Variants in MCF2L observed in about 807,000 individuals in gnomAD.
MCF2L encodes the protein guanine nucleotide exchange factor DBS.
In MCF2L, 97 loss-of-function variants were observed where a neutral mutation model predicts 153.4. That is an observed-to-expected ratio of 0.63 (90% CI 0.54 to 0.75). The LOEUF is 0.75. MCF2L is among the 30% of genes least tolerant of loss of function. The pLI, the probability that MCF2L is intolerant of heterozygous loss-of-function variation, is 0.00. For synonymous variants in MCF2L, 659 were observed against 632.2 expected (o/e 1.04, Z -0.64); for missense variants, 1,347 against 1,495.2 (o/e 0.90, Z 1.64).
Position 113,085,163 on chromosome 13 carries a change from C to T in MCF2L, c.2232C>T (p.Tyr744=). The change falls in exon 20 of 30, where the codon TAC becomes TAT. Residue 744 remains tyrosine (Y), a synonymous_variant. Coordinates refer to ENST00000535094, the MANE Select transcript of MCF2L (RefSeq NM_001112732.3). ...LLKPVQRITK[Y]QLLLKEMLKY... is the part of the protein sequence containing the mutation. ...AGCCAGTGCAGAGGATCACCAAGTA[C>T]CAGCTGCTGCTCAAGGTGGGCTCCG... The T allele has an allele frequency of 3.1e-6, 5 of 1,613,446 alleles. No homozygotes were observed. The highest frequency in any genetic ancestry group is 4.2e-6 in the Non-Finnish European group (5 of 1,179,980).
chr13:113,081,304 G>A (rs371591950), intron 16 of MCF2L, 25 bp downstream of exon 16: 53 of 1,562,658 alleles, frequency 3.4e-5, no homozygotes, highest in Middle Eastern at 1.7e-4. Flanking sequence ...GGGGAGGGCC[G>A]ACTGCCACGG....
chr13:113,090,323 A>G (rs1175684460), intron 26 of MCF2L: 1 of 1,203,812 alleles, frequency 8.3e-7, no homozygotes, highest in African/African-American at 1.6e-5. Context: ...CACAGACACC[A>G]GAGTTATTTA....
chr13:113,087,664 G>A (rs775237205), intron 22 of MCF2L, 43 bp from the exon 23 acceptor site: 1 of 1,516,726 alleles, frequency 6.6e-7, no homozygotes, highest in African/African-American at 1.4e-5. Context: ...AAGGCAGTGG[G>A]TTCACTGTGC....
intron 1 of MCF2L, among the ~76,000 whole-genome samples, chr13:112,974,808 TGAGTA>T (rs2082161165): frequency 1.3e-5 from 2 of 152,242 alleles, no homozygotes. Context: ...CACATTTTCA[TGAGTA>T]GAGAATAATT....
intron 22 of MCF2L, 55 bp from the exon 23 acceptor site, chr13:113,087,652 A>G: frequency 6.8e-7 from 1 of 1,470,680 alleles, no homozygotes; most frequent in African/African-American, 1.4e-5. Context: ...CCTTTTAAAA[A>G]CAAGGCAGTG....
chr13:112,983,568 C>A lies in MCF2L; in HGVS notation c.79+14110C>A, dbSNP rs1195995619. Among the ~76,000 whole-genome samples the A allele has an allele frequency of 6.6e-6, 1 of 152,242 alleles. No homozygotes were observed. The highest frequency in any genetic ancestry group is 1.5e-5 in the Non-Finnish European group (1 of 68,050). ...GCCCGTGGTGCTGGGCACGGCAGAG[C>A]CGTAGGCGGAGACAGGGAGCCGGGA... is the stretch of plus-strand genomic sequence containing the variant. On this transcript the variant is annotated intron_variant, in intron 1 of 29. Coordinates refer to ENST00000535094, the MANE Select transcript of MCF2L (RefSeq NM_001112732.3). This position sits in a 1 kb window ranked among gnomAD's most constrained non-coding sequence, Gnocchi z 4.0.
At chr13:112,987,617 A>T (rs1389216423) in intron 1 of MCF2L, among the ~76,000 whole-genome samples, 1 of 152,258 alleles carries the variant, frequency 6.6e-6, no homozygotes, top group Non-Finnish European at 1.5e-5. Context: ...TTTCACTTCC[A>T]TGGTAGTGGC....
chr13:113,094,866 T>C (rs2035518679), intron 27 of MCF2L: 1 of 1,100,034 alleles, frequency 9.1e-7, no homozygotes, highest in Admixed American at 2.1e-5. Flanking sequence ...TCCTCCTAAC[T>C]CTCTCTGGAA....
At chr13:112,986,567 CG>C (rs1370166193) in intron 1 of MCF2L, among the ~76,000 whole-genome samples, 1 of 152,244 alleles carries the variant, frequency 6.6e-6, no homozygotes, top group East Asian at 1.9e-4. Flanking sequence ...CGGGAGACCA[CG>C]GGGTGTCTCT....
At chr13:113,085,984 A>G in intron 20 of MCF2L, 140 bp from the exon 21 acceptor site, 1 of 830,398 alleles carries the variant, frequency 1.2e-6, no homozygotes, top group East Asian at 3.1e-5. Context: ...CAGCTGCAGG[A>G]GGGCAGGCAG....
rs2032020858 is a variant in MCF2L, at chr13:113,064,309, A to G, written c.495A>G (p.Ile165Met). 4.3e-6 allele frequency: 7 copies of G among 1,611,032 alleles called. No individual in the cohort carries two copies. In the East Asian group the frequency reaches 1.1e-4, roughly 26 times the overall value. Residue 165 changes from isoleucine (I) to methionine (M), a missense_variant, in exon 6 of 30, where the codon ATA (isoleucine) becomes ATG (methionine). Ile to Met is a conservative substitution (Grantham distance 10, BLOSUM62 1). Transcript: ENST00000535094. This position sits in a 1 kb window ranked among gnomAD's most constrained non-coding sequence, Gnocchi z 6.0. ...RDDFKMKVPVIMLSSVPDLHG... is the reference protein window; with the variant it reads ...RDDFKMKVPVMMLSSVPDLHG... ...GCATTCCCTTTCTCCTCCAGGTCATAATGCTGAGCTCCGTACCAGACTTAC... is the reference window on the plus strand; with the variant it reads ...GCATTCCCTTTCTCCTCCAGGTCATGATGCTGAGCTCCGTACCAGACTTAC...
At chr13:113,092,645 C>G (rs1447008974) in intron 26 of MCF2L, among the ~76,000 whole-genome samples, 1 of 152,254 alleles carries the variant, frequency 6.6e-6, no homozygotes, top group African/African-American at 2.4e-5. Context: ...CAGAGGGCAC[C>G]TTCCTGGCCA....
At position 113,058,282 on chromosome 13, in the gene MCF2L, GTGTT is replaced by G. The variant is rs569317555; in HGVS notation, c.370-2308_370-2305del. On this transcript the variant is annotated intron_variant, in intron 4 of 29. Coordinates refer to ENST00000535094, the MANE Select transcript of MCF2L (RefSeq NM_001112732.3). ...TGAGTGGGCATTGAGTGGGTGCTGAGTGTTTGGGCACTGAGTGGGCGTTGAGTGT... is the reference window on the plus strand; with the variant it reads ...TGAGTGGGCATTGAGTGGGTGCTGAGTGGGCACTGAGTGGGCGTTGAGTGT... 1.7e-4 allele frequency among the ~76,000 whole-genome samples: 26 copies of G among 150,308 alleles called. No individual in the cohort carries two copies. The South Asian group carries it at 1.9e-3, about 11-fold the overall frequency.
chr13:112,896,781 T>G (rs2081071827), intron 1 of MCF2L, among the ~76,000 whole-genome samples: 1 of 152,232 alleles, frequency 6.6e-6, no homozygotes, highest in African/African-American at 2.4e-5. Context: ...TGCACGGCTC[T>G]GGGCTGCATC....
intron 4 of MCF2L, among the ~76,000 whole-genome samples, chr13:113,048,254 G>C (rs2086956028): frequency 6.6e-6 from 1 of 152,124 alleles, no homozygotes; most frequent in South Asian, 2.1e-4. Context: ...TGAACAGTTA[G>C]TGTTTTAGTT....
At position 113,066,186 on chromosome 13, in the gene MCF2L, C is replaced by T; in HGVS notation, c.881+16C>T. On this transcript the variant is annotated intron_variant, in intron 8 of 29. Coordinates refer to ENST00000535094, the MANE Select transcript of MCF2L (RefSeq NM_001112732.3). ...CCGTGCAGAGGTGAGGCCCGGCTGC[C>T]TTCCTGCCCTCATCCTGTCCCAGTC... 6.3e-7 allele frequency: 1 copy of T among 1,595,702 alleles called. No individual in the cohort carries two copies. The highest frequency in any genetic ancestry group is 8.5e-7 in the Non-Finnish European group (1 of 1,169,998).
intron 2 of MCF2L, among the ~76,000 whole-genome samples, chr13:112,959,695 A>T (rs1402156336): frequency 6.6e-6 from 1 of 152,216 alleles, no homozygotes; most frequent in Non-Finnish European, 1.5e-5. Context: ...CAGAGGGGGA[A>T]TATCTGTTGG....
chr13:113,062,977 G>A (rs7982661), intron 5 of MCF2L, among the ~76,000 whole-genome samples: 3,655 of 152,288 alleles, frequency 0.024, 137 homozygotes, highest in African/African-American at 0.083. Context: ...TACAATGACC[G>A]CGGGGTATTT....
chr13:113,002,093 C>T, intron 1 of MCF2L: 2 of 1,295,228 alleles, frequency 1.5e-6, no homozygotes, highest in East Asian at 3.0e-5. Context: ...TCCTCAGAGG[C>T]TGCTGGGGCA....
Sources: gnomAD v4.1 joint callset for allele counts (sites outside exome capture counted in the v4.1 genomes callset) on GRCh38, gnomAD v4.1.1 for gene constraint, Gnocchi (gnomAD v3.1) non-coding constraint, MANE v1.5 for transcripts, NCBI Gene and HGNC (gene_info 2026-07-23, HGNC 2026-07-21) for gene names.